CPVL: variants seen among roughly 807,000 people sequenced by gnomAD.
CPVL encodes the protein probable serine carboxypeptidase CPVL.
CPVL carries 51 observed loss-of-function variants against 63.7 expected under a neutral mutation model. That is an observed-to-expected ratio of 0.80 (90% CI 0.64 to 1.01). CPVL has a LOEUF of 1.01. Among genes scored for constraint, CPVL ranks in the 50% least tolerant of loss-of-function variants. The probability of loss-of-function intolerance (pLI) is 0.00; values close to 1 mark genes in which losing one functional copy is unlikely to be tolerated. For missense variants in CPVL, 530 were observed against 573.1 expected (o/e 0.92, Z 0.77); for synonymous variants, 195 against 206.0 (o/e 0.95, Z 0.46).
At chr7:29,123,068 A>T (rs922218157) in intron 1 of CPVL, among the ~76,000 whole-genome samples, 1 of 152,194 alleles carries the variant, frequency 6.6e-6, no homozygotes, top group African/African-American at 2.4e-5. Flanking sequence ...GGATGCAAAA[A>T]GAGATACACA....
intron 12 of CPVL, among the ~76,000 whole-genome samples, chr7:29,026,271 A>G (rs1237629235): frequency 1.3e-5 from 2 of 152,160 alleles, no homozygotes; most frequent in Admixed American, 1.3e-4. Flanking sequence ...CTTGAAACAA[A>G]TGAAAATGGA....
At chr7:29,138,366 G>A (rs1001890643) in intron 1 of CPVL, among the ~76,000 whole-genome samples, 10 of 152,320 alleles carry the variant, frequency 6.6e-5, no homozygotes, top group Middle Eastern at 3.4e-3. Flanking sequence ...CTTGAACACC[G>A]GAGGCAGAGG....
At chr7:29,119,361 C>T (rs1183118195) in intron 2 of CPVL, among the ~76,000 whole-genome samples, 1 of 152,076 alleles carries the variant, frequency 6.6e-6, no homozygotes, top group Admixed American at 6.5e-5. Flanking sequence ...GTAGCACATG[C>T]CTGTAGTTCC....
At position 28,995,785 on chromosome 7, in the gene CPVL, G is replaced by A; in HGVS notation, c.1418C>T (p.Pro473Leu). ...NRFIYGKGWD[P>L]YVG ...TGGGAAGGTAGTTTATCCAACATAA[G>A]GATCCCATCCTTTTCCATAAATGAA... The change falls in exon 13 of 13, where the codon CCT becomes CTT. Residue 473 changes from proline to leucine, a missense_variant. Physicochemically the swap from Pro to Leu is moderately conservative, Grantham distance 98. Coordinates refer to ENST00000265394, the MANE Select transcript of CPVL (RefSeq NM_031311.5). 1 of 1,594,092 alleles carries A rather than the reference G, an allele frequency of 6.3e-7. No individual in the cohort carries two copies. The highest frequency in any genetic ancestry group is 8.6e-7 in the Non-Finnish European group (1 of 1,169,388).
At chr7:29,046,072 T>C (rs1004533705) in intron 11 of CPVL, among the ~76,000 whole-genome samples, 16 of 151,230 alleles carry the variant, frequency 1.1e-4, no homozygotes, top group African/African-American at 3.7e-4. Context: ...TACCATTTCC[T>C]GACTAGATGA....
rs199859099 is a variant in CPVL, at chr7:29,066,681, C to T, written c.865-560G>A. 7.9e-5 allele frequency among the ~76,000 whole-genome samples: 12 copies of T among 152,284 alleles called. No homozygotes were observed. The East Asian group carries it at 1.9e-3, about 24-fold the overall frequency. ...GTGCCTTAACATGGATCATGAACTG[C>T]TCACCAGATGACATGGAGAGAAGAC... On this transcript the variant is annotated intron_variant, in intron 9 of 12. Transcript: ENST00000265394.
chr7:29,091,790 T>A (rs1043508748), intron 6 of CPVL, among the ~76,000 whole-genome samples: 1 of 152,212 alleles, frequency 6.6e-6, no homozygotes, highest in Non-Finnish European at 1.5e-5. Context: ...CGGCCACCTA[T>A]CTGCCTCAGA....
At chr7:29,131,413 T>C (rs1239887786) in intron 1 of CPVL, among the ~76,000 whole-genome samples, 2 of 152,198 alleles carry the variant, frequency 1.3e-5, no homozygotes, top group Non-Finnish European at 2.9e-5. Context: ...AAAGAGTGAC[T>C]ACTATTTGTA....
chr7:29,064,289 T>C, intron 10 of CPVL, 55 bp from the exon 11 acceptor site: 3 of 1,132,376 alleles, frequency 2.6e-6, no homozygotes. Flanking sequence ...GCAGGAACAG[T>C]ATGTTGGGAA....
At chr7:29,017,855 A>T (rs2128140523) in intron 12 of CPVL, among the ~76,000 whole-genome samples, 1 of 152,330 alleles carries the variant, frequency 6.6e-6, no homozygotes, top group East Asian at 1.9e-4. Context: ...GAAGTAGAGA[A>T]TCTCTGGGCT....
chr7:29,073,816 T>C (rs865905484), intron 7 of CPVL, among the ~76,000 whole-genome samples: 1 of 152,256 alleles, frequency 6.6e-6, no homozygotes, highest in Non-Finnish European at 1.5e-5. Context: ...GAGTCCACTA[T>C]GACTGATGCG....
chr7:29,139,454 T>C (rs956700871), intron 1 of CPVL, among the ~76,000 whole-genome samples: 5 of 151,398 alleles, frequency 3.3e-5, no homozygotes, highest in African/African-American at 1.2e-4. Flanking sequence ...CTTCCACATC[T>C]GCTCTAGGTG....
chr7:29,061,939 A>G (rs1289994464), intron 11 of CPVL, among the ~76,000 whole-genome samples: 2 of 136,640 alleles, frequency 1.5e-5, no homozygotes, highest in Non-Finnish European at 3.0e-5. Context: ...GCAAAACTCT[A>G]TCTCAAAAAA....
intron 2 of CPVL, 57 bp from the exon 3 acceptor site, chr7:29,112,879 G>A (rs1271033281): frequency 1.7e-6 from 2 of 1,164,732 alleles, no homozygotes; most frequent in Non-Finnish European, 2.6e-6. Flanking sequence ...CAACAAAAAT[G>A]TGAGCCATCT....
intron 11 of CPVL, among the ~76,000 whole-genome samples, chr7:29,036,865 T>C (rs893837571): frequency 6.6e-6 from 1 of 152,162 alleles, no homozygotes; most frequent in Non-Finnish European, 1.5e-5. Context: ...GCAGGTGTTA[T>C]TTATCCCATT....
chr7:29,082,952 C>T (rs940080554), intron 7 of CPVL, among the ~76,000 whole-genome samples: 6 of 152,098 alleles, frequency 3.9e-5, no homozygotes, highest in Non-Finnish European at 7.4e-5. Context: ...GGGCATTTTC[C>T]AGGGTTGTTG....
chr7:29,093,890 T>G (rs371481550), intron 5 of CPVL, among the ~76,000 whole-genome samples: 2 of 152,200 alleles, frequency 1.3e-5, no homozygotes, highest in East Asian at 3.8e-4. Context: ...GTGAGAGAAG[T>G]TAAAGATTTT....
chr7:29,069,770 A>ATG (rs70977102), intron 9 of CPVL, among the ~76,000 whole-genome samples: 2,484 of 132,210 alleles, frequency 0.019, 44 homozygotes, highest in African/African-American at 0.031. Context: ...TCACCAGTAA[A>ATG]TGTGTGTGTG....
In CPVL at chr7:29,036,260, G is replaced by A. The variant is rs115092707; in HGVS notation, c.1138-5501C>T. On this transcript the variant is annotated intron_variant, in intron 11 of 12. Transcript: ENST00000265394. ...GCCCCTTTTCTGGACATGAGGATGC[G>A]ACGAACTATACAGAATTGTAACGAG... is the stretch of plus-strand genomic sequence containing the variant. Among the ~76,000 whole-genome samples the A allele has an allele frequency of 6.6e-3, 1,006 of 152,242 alleles. 13 individuals carry two copies. The highest frequency in any genetic ancestry group is 0.023 in the African/African-American group (945 of 41,540).
Sources: gnomAD v4.1 joint callset for allele counts (sites outside exome capture counted in the v4.1 genomes callset) on GRCh38, gnomAD v4.1.1 for gene constraint, MANE v1.5 for transcripts, NCBI Gene and HGNC (gene_info 2026-07-23, HGNC 2026-07-21) for gene names.